CCSER1: variants seen among roughly 807,000 people sequenced by gnomAD.
CCSER1 encodes the protein coiled-coil serine rich protein 1, also known as serine-rich coiled-coil domain-containing protein 1.
A neutral mutation model predicts 82.0 loss-of-function variants in CCSER1; 41 were observed. The ratio of observed to expected loss-of-function variants is 0.50; its 90% CI spans 0.39 to 0.65. The LOEUF (loss-of-function observed/expected upper bound fraction) is 0.65. Ranked by LOEUF, CCSER1 falls within the 30% of genes least tolerant of loss-of-function variation. The probability of loss-of-function intolerance (pLI) is 0.00; values close to 1 mark genes in which losing one functional copy is unlikely to be tolerated. For synonymous variants in CCSER1, 414 were observed against 383.9 expected, an observed-to-expected ratio of 1.08 and a Z score of -0.92; for missense variants, 1,119 against 1,064.2, an observed-to-expected ratio of 1.05 and a Z score of -0.72.
chr4:91,511,610 C>T (rs1028742612), intron 10 of CCSER1, among the ~76,000 whole-genome samples: 1 of 152,100 alleles, frequency 6.6e-6, no homozygotes, highest in Non-Finnish European at 1.5e-5. Flanking sequence ...TGAGCTCCAC[C>T]TCCTGTCAGA....
intron 6 of CCSER1, among the ~76,000 whole-genome samples, chr4:90,701,361 G>A (rs1201056795): frequency 6.6e-6 from 1 of 152,176 alleles, no homozygotes. Flanking sequence ...TGTGGTATCA[G>A]TACCATGTTG....
At chr4:90,803,754 A>G (rs1757138871) in intron 7 of CCSER1, among the ~76,000 whole-genome samples, 1 of 152,154 alleles carries the variant, frequency 6.6e-6, no homozygotes, top group Non-Finnish European at 1.5e-5. Context: ...GTCAAATGGT[A>G]TTTCTAGTCC....
intron 8 of CCSER1, among the ~76,000 whole-genome samples, chr4:90,880,000 T>C (rs550851701): frequency 2.6e-5 from 4 of 152,294 alleles, no homozygotes; most frequent in East Asian, 3.9e-4. Context: ...TAGCAAAGTA[T>C]TTTTTGTGTT....
chr4:90,142,803 A>G (rs919741864), intron 1 of CCSER1, among the ~76,000 whole-genome samples: 18 of 152,096 alleles, frequency 1.2e-4, no homozygotes, highest in African/African-American at 3.9e-4. Context: ...TTTTAGGCAT[A>G]TAGGATTTTT....
At chr4:90,887,606 A>G (rs1722323791) in intron 8 of CCSER1, among the ~76,000 whole-genome samples, 1 of 152,206 alleles carries the variant, frequency 6.6e-6, no homozygotes, top group Non-Finnish European at 1.5e-5. Flanking sequence ...CACACTGGCC[A>G]GGCACGTTGG....
At chr4:90,204,084 G>A (rs139126754) in intron 1 of CCSER1, among the ~76,000 whole-genome samples, 1,773 of 152,174 alleles carry the variant, frequency 0.012, 21 homozygotes, top group African/African-American at 0.034. Flanking sequence ...ATAAATTCTG[G>A]ATATTGGCCC....
chr4:90,491,544 C>A (rs892075401), intron 5 of CCSER1, among the ~76,000 whole-genome samples: 5 of 152,216 alleles, frequency 3.3e-5, no homozygotes, highest in South Asian at 2.1e-4. Context: ...CCAGAACTTC[C>A]AACACTATGT....
chr4:91,593,466 G>GTTTTTTTTTTT (rs1308070910), intron 10 of CCSER1, among the ~76,000 whole-genome samples: 9 of 75,460 alleles, frequency 1.2e-4, no homozygotes, highest in Non-Finnish European at 2.5e-4. Flanking sequence ...TCAACCCCGT[G>GTTTTTTTTTTT]CTTTTTTTTT....
intron 8 of CCSER1, among the ~76,000 whole-genome samples, chr4:90,900,358 T>A (rs1724452177): frequency 6.6e-6 from 1 of 151,958 alleles, no homozygotes; most frequent in African/African-American, 2.4e-5. Context: ...CTATTTTTCT[T>A]GGTTAATGTA....
intron 3 of CCSER1, among the ~76,000 whole-genome samples, chr4:90,372,743 C>T (rs1747652630): frequency 6.6e-6 from 1 of 151,350 alleles, no homozygotes; most frequent in Admixed American, 6.6e-5. Flanking sequence ...GAATGAAAAC[C>T]CATCTGAAAA....
chr4:90,436,090 G>A (rs1758957947), intron 4 of CCSER1, among the ~76,000 whole-genome samples: 1 of 151,944 alleles, frequency 6.6e-6, no homozygotes, highest in Non-Finnish European at 1.5e-5. Flanking sequence ...TTACATATAA[G>A]ATAGCTTGAC....
chr4:91,557,847 T>G (rs1363154379), intron 10 of CCSER1, among the ~76,000 whole-genome samples: 1 of 151,404 alleles, frequency 6.6e-6, no homozygotes, highest in Admixed American at 6.6e-5. Flanking sequence ...GGAAGTAGTC[T>G]CCAAAGTTTT....
At chr4:90,440,013 T>A (rs778917031) in intron 4 of CCSER1, among the ~76,000 whole-genome samples, 37 of 152,206 alleles carry the variant, frequency 2.4e-4, no homozygotes, top group Non-Finnish European at 4.1e-4. Flanking sequence ...TTTTATTTTT[T>A]TTTTTAGACA....
chr4:90,888,012 T>G (rs775625789), intron 8 of CCSER1, among the ~76,000 whole-genome samples: 4 of 152,156 alleles, frequency 2.6e-5, no homozygotes, highest in Non-Finnish European at 5.9e-5. Flanking sequence ...GAAAAAGTTG[T>G]AAAAAGCCCA....
At chr4:90,247,072 T>A (rs977421555) in intron 1 of CCSER1, among the ~76,000 whole-genome samples, 11 of 152,180 alleles carry the variant, frequency 7.2e-5, no homozygotes, top group Non-Finnish European at 5.9e-5. Flanking sequence ...ACAGCATGAA[T>A]CTGTTGGACA....
rs375960849 is a variant in CCSER1 at position 90,709,945 on chromosome 4, T to TG, written c.1933-13968dup. 6.0e-3 allele frequency among the ~76,000 whole-genome samples: 614 copies of TG among 102,418 alleles called. 2 individuals carry two copies. The highest frequency in any genetic ancestry group is 0.011 in the Non-Finnish European group (544 of 47,934). 67.2% of individuals were successfully genotyped at this position (102,418 alleles called of 152,430 possible). A position where few individuals can be genotyped will look rare whatever the true frequency, so the allele number is the denominator to read the frequency against. The stretch of plus-strand genomic sequence containing the variant: ...TTTTCTCTGCAACCTTGCCAGCATC[T>TG]GTTTTTTTTTTTTTTTTGACTTTTT... On this transcript the variant is annotated intron_variant, in intron 6 of 10. Coordinates refer to ENST00000509176, the MANE Select transcript of CCSER1 (RefSeq NM_001145065.2).
chr4:91,568,909 G>GTCCTCCAAA, intron 10 of CCSER1, among the ~76,000 whole-genome samples: 1 of 152,252 alleles, frequency 6.6e-6, no homozygotes, highest in East Asian at 1.9e-4. Context: ...TGGAGGACAT[G>GTCCTCCAAA]TGACACCCTG....
At chr4:90,962,113 C>T (rs976539764) in intron 9 of CCSER1, among the ~76,000 whole-genome samples, 6 of 151,996 alleles carry the variant, frequency 3.9e-5, no homozygotes, top group Non-Finnish European at 2.9e-5. Flanking sequence ...TTTAGAAGTT[C>T]AGTAACTTGT....
chr4:90,851,573 C>CT (rs35593031), intron 8 of CCSER1, among the ~76,000 whole-genome samples: 234 of 129,770 alleles, frequency 1.8e-3, no homozygotes, highest in South Asian at 4.6e-3. Flanking sequence ...ACTTATAGAG[C>CT]TTTTTTTTTT....
Sources: gnomAD v4.1 joint callset for allele counts (sites outside exome capture counted in the v4.1 genomes callset) on GRCh38, gnomAD v4.1.1 for gene constraint, MANE v1.5 for transcripts, NCBI Gene and HGNC (gene_info 2026-07-23, HGNC 2026-07-21) for gene names.